ZNF710: variants seen among roughly 807,000 people sequenced by gnomAD.
ZNF710 encodes zinc finger protein 710.
ZNF710 carries 13 observed loss-of-function variants against 50.6 expected under a neutral mutation model. The observed-to-expected ratio is 0.26, with a 90% CI of 0.17 to 0.41. The LOEUF is 0.41. Among genes scored for constraint, ZNF710 ranks in the 10% least tolerant of loss-of-function variants. The probability of loss-of-function intolerance (pLI) is 1.00; values close to 1 mark genes in which losing one functional copy is unlikely to be tolerated. For synonymous variants in ZNF710, 383 were observed against 397.0 expected (o/e 0.96, Z 0.42); for missense variants, 721 against 936.6 (o/e 0.77, Z 3.01).
At chr15:90,033,873 C>T (rs1409098088) in intron 1 of ZNF710, among the ~76,000 whole-genome samples, 3 of 152,188 alleles carry the variant, frequency 2.0e-5, no homozygotes, top group Non-Finnish European at 2.9e-5. Flanking sequence ...GCAAGCTTGG[C>T]CCACTGACTT....
chr15:90,033,583 T>C (rs1446501650), intron 1 of ZNF710, among the ~76,000 whole-genome samples: 2 of 152,202 alleles, frequency 1.3e-5, no homozygotes, highest in Non-Finnish European at 2.9e-5. Context: ...GTTCTCACTC[T>C]GTTGCCCAGG....
intron 1 of ZNF710, among the ~76,000 whole-genome samples, chr15:90,012,189 G>C (rs1898324045): frequency 6.6e-6 from 1 of 151,386 alleles, no homozygotes; most frequent in Non-Finnish European, 1.5e-5. Flanking sequence ...TGGCAACAGA[G>C]GGAGACTCCA....
At chr15:90,033,673 C>T (rs1899015141) in intron 1 of ZNF710, among the ~76,000 whole-genome samples, 1 of 152,222 alleles carries the variant, frequency 6.6e-6, no homozygotes, top group Non-Finnish European at 1.5e-5. Flanking sequence ...ATCCTCCCAA[C>T]TCAGCCTCCC....
At chr15:90,046,518 T>G (rs1289769171) in intron 1 of ZNF710, among the ~76,000 whole-genome samples, 1 of 151,882 alleles carries the variant, frequency 6.6e-6, no homozygotes, top group East Asian at 1.9e-4. Context: ...GTGCCAGGTA[T>G]GGAGGGCGGC....
chr15:90,020,606 G>A (rs1898587861), intron 1 of ZNF710, among the ~76,000 whole-genome samples: 1 of 152,254 alleles, frequency 6.6e-6, no homozygotes, highest in Non-Finnish European at 1.5e-5. Flanking sequence ...GACGCCTCAT[G>A]TGTGTTGGAA....
Position 90,034,231 on chromosome 15 carries a change from A to G in ZNF710, c.-29+32617A>G, listed in dbSNP as rs574921737. 6.6e-6 allele frequency among the ~76,000 whole-genome samples: 1 copy of G among 151,944 alleles called. No individual in the cohort carries two copies. The highest frequency in any genetic ancestry group is 2.1e-4 in the South Asian group (1 of 4,806). ...AGAAAAGAAAAGAAAAGAAAAGAAA[A>G]CAGGTGAACGACAGTCACTCCTGGA... On this transcript the variant is annotated intron_variant, in intron 1 of 4. Coordinates refer to ENST00000268154, the MANE Select transcript of ZNF710 (RefSeq NM_198526.4). The surrounding 1 kb of genome is among the most constrained non-coding windows in gnomAD (Gnocchi z 4.0).
At position 90,034,999 on chromosome 15, in the gene ZNF710, G is replaced by A. The variant is rs532838754; in HGVS notation, c.-28-32111G>A. Among the ~76,000 whole-genome samples the A allele has an allele frequency of 5.9e-5, 9 of 152,358 alleles. No homozygotes were observed. The South Asian group carries it at 8.3e-4, about 14-fold the overall frequency. On this transcript the variant is annotated intron_variant, in intron 1 of 4. Transcript: ENST00000268154. This position sits in a 1 kb window ranked among gnomAD's most constrained non-coding sequence, Gnocchi z 4.0. ...GGTGTCTGGAGGGCCTCTGCCTTCC[G>A]TCATCAGAAGGAGGTTCTAGCAAGG...
At chr15:90,000,811 A>C (rs7162815), upstream of ZNF710, among the ~76,000 whole-genome samples, 17,805 of 152,050 alleles carry the variant, frequency 0.12, 2,337 homozygotes, top group African/African-American at 0.33. Flanking sequence ...CCCGTGCCCC[A>C]ACACCCGCAC....
chr15:90,004,460 C>T (rs752920495), intron 1 of ZNF710, among the ~76,000 whole-genome samples: 8 of 152,220 alleles, frequency 5.3e-5, no homozygotes, highest in South Asian at 2.1e-4. Context: ...CCCATACCCT[C>T]GTTCCTCAGG....
chr15:90,024,491 A>G (rs532197789), intron 1 of ZNF710, among the ~76,000 whole-genome samples: 1 of 152,346 alleles, frequency 6.6e-6, no homozygotes, highest in South Asian at 2.1e-4. Context: ...TGGCAGAGAA[A>G]GAGAGGAGGA....
At chr15:90,066,906 G>A (rs909243619) in intron 1 of ZNF710, among the ~76,000 whole-genome samples, 1 of 152,202 alleles carries the variant, frequency 6.6e-6, no homozygotes, top group Non-Finnish European at 1.5e-5. Context: ...GGATCTCCCA[G>A]GGAGATGGAG....
chr15:90,043,190 C>T (rs145355599), intron 1 of ZNF710, among the ~76,000 whole-genome samples: 303 of 152,374 alleles, frequency 2.0e-3, no homozygotes, highest in African/African-American at 6.8e-3. Context: ...TGAGTTGCCA[C>T]GGCTTTCACC....
chr15:90,038,740 T>TGTGTGTGTGTGTGTGTGAGA (rs150950322), intron 1 of ZNF710, among the ~76,000 whole-genome samples: 38 of 148,638 alleles, frequency 2.6e-4, no homozygotes, highest in African/African-American at 9.5e-4. Context: ...TGTGTGTGTG[T>TGTGTGTGTGTGTGTGTGAGA]GAGACATTGG....
chr15:90,008,453 T>TATATATATATACACATATATATATACAC (rs1898208603), intron 1 of ZNF710, among the ~76,000 whole-genome samples: 4 of 127,936 alleles, frequency 3.1e-5, no homozygotes, highest in African/African-American at 1.4e-4. Flanking sequence ...TATATATATA[T>TATATATATATACACATATATATATACAC]GTATATATAT....
intron 1 of ZNF710, among the ~76,000 whole-genome samples, chr15:90,060,358 G>A (rs1483508965): frequency 1.3e-5 from 2 of 152,216 alleles, no homozygotes; most frequent in Non-Finnish European, 2.9e-5. Flanking sequence ...TTCAAGACCA[G>A]CCTGGGCAAC....
intron 3 of ZNF710, 100 bp from the exon 4 acceptor site, chr15:90,074,016 A>AAAAAG: frequency 7.4e-7 from 1 of 1,344,440 alleles, no homozygotes; most frequent in Non-Finnish European, 1.0e-6. Flanking sequence ...AAAAAAACAA[A>AAAAAG]AGAATAGGAT....
rs117989426 is a variant in ZNF710, at chr15:90,053,829, G to A, written c.-28-13281G>A. On this transcript the variant is annotated intron_variant, in intron 1 of 4. Coordinates refer to ENST00000268154, the MANE Select transcript of ZNF710 (RefSeq NM_198526.4). The stretch of plus-strand genomic sequence containing the variant: ...CCCCCCCAACACACACTTCCCACCC[G>A]TGTGTTTTCCTCCTCCCTTCCCTAG... 2.5e-3 allele frequency among the ~76,000 whole-genome samples: 377 copies of A among 152,138 alleles called. 3 individuals are homozygous for A. Among genetic ancestry groups the A allele is most frequent in the African/African-American group, 7.1e-3 (296 of 41,510 alleles).
At chr15:90,014,623 G>T (rs568410173) in intron 1 of ZNF710, among the ~76,000 whole-genome samples, 1 of 151,596 alleles carries the variant, frequency 6.6e-6, no homozygotes, top group Non-Finnish European at 1.5e-5. Flanking sequence ...TTGGGTTAAA[G>T]ATGGTAAATA....
intron 1 of ZNF710, among the ~76,000 whole-genome samples, chr15:90,010,822 C>T (rs1329804004): frequency 2.0e-5 from 3 of 151,944 alleles, no homozygotes; most frequent in Non-Finnish European, 4.4e-5. Flanking sequence ...AGGATCATAG[C>T]TTACTGTAAC....
Sources: gnomAD v4.1 joint callset for allele counts (sites outside exome capture counted in the v4.1 genomes callset) on GRCh38, gnomAD v4.1.1 for gene constraint, Gnocchi (gnomAD v3.1) non-coding constraint, MANE v1.5 for transcripts, NCBI Gene and HGNC (gene_info 2026-07-23, HGNC 2026-07-21) for gene names.